The following MACROH2A1 variants were observed in gnomAD, a reference collection of about 807,000 sequenced individuals.
MACROH2A1 encodes macroH2A.1 histone.
MACROH2A1 carries 2 observed loss-of-function variants against 31.6 expected under a neutral mutation model. The observed-to-expected ratio is 0.06, with a 90% CI of 0.03 to 0.20. The LOEUF (loss-of-function observed/expected upper bound fraction) is 0.20, where lower values mean the gene tolerates loss of function less well. Ranked by LOEUF, MACROH2A1 falls within the 10% of genes least tolerant of loss-of-function variation. The probability of loss-of-function intolerance (pLI) is 1.00; values close to 1 mark genes in which losing one functional copy is unlikely to be tolerated. For missense variants in MACROH2A1, 230 were observed against 474.0 expected, an observed-to-expected ratio of 0.49 and a Z score of 4.78; for synonymous variants, 169 against 189.6, an observed-to-expected ratio of 0.89 and a Z score of 0.89.
chr5:135,360,758 A>G (rs765707138), intron 4 of MACROH2A1, 151 bp from the exon 5 acceptor site: 2 of 706,166 alleles, frequency 2.8e-6, no homozygotes. Context: ...GGGAGCTCAG[A>G]CTCATTTTGA....
intron 5 of MACROH2A1, chr5:135,358,538 C>T: frequency 9.1e-6 from 9 of 985,330 alleles, no homozygotes; most frequent in Non-Finnish European, 1.1e-5. Flanking sequence ...GGTGGTCTGT[C>T]TGGGTCTACA....
At chr5:135,389,156 G>A in intron 1 of MACROH2A1, 30 bp from the exon 2 acceptor site, 2 of 1,540,426 alleles carry the variant, frequency 1.3e-6, no homozygotes, top group South Asian at 1.2e-5. Flanking sequence ...ACCGGTCAGG[G>A]TGGCTGGGGA....
chr5:135,367,663 T>C (rs540355319), intron 4 of MACROH2A1, among the ~76,000 whole-genome samples: 1 of 152,250 alleles, frequency 6.6e-6, no homozygotes, highest in South Asian at 2.1e-4. Flanking sequence ...AGTGAACGCA[T>C]GAAGGAGGGT....
At chr5:135,358,718 A>C in intron 5 of MACROH2A1, 3 of 931,614 alleles carry the variant, frequency 3.2e-6, no homozygotes, top group Non-Finnish European at 3.8e-6. Flanking sequence ...TTTGTAATTT[A>C]TTATAGAGTA....
intron 5 of MACROH2A1, chr5:135,355,527 T>C: frequency 3.8e-6 from 1 of 265,608 alleles, no homozygotes; most frequent in Non-Finnish European, 7.5e-6. Flanking sequence ...CTGTAAAATG[T>C]GTACAAATAT....
chr5:135,373,388 C>T (rs1246590969), intron 2 of MACROH2A1, among the ~76,000 whole-genome samples: 2 of 152,174 alleles, frequency 1.3e-5, no homozygotes, highest in Admixed American at 1.3e-4. Flanking sequence ...GAAGTAAGCA[C>T]ATCGGGTTGA....
intron 5 of MACROH2A1, 198 bp from the exon 6 acceptor site, chr5:135,353,243 A>C: frequency 1.8e-6 from 1 of 554,514 alleles, no homozygotes; most frequent in South Asian, 2.3e-5. Flanking sequence ...CAAGCAAACT[A>C]GGATGAATGT....
rs746576253 is a variant in MACROH2A1 at position 135,343,501 on chromosome 5, A to ACAGAC, written c.779-72_779-68dup. The ACAGAC allele has an allele frequency of 3.1e-6, 5 of 1,592,636 alleles. 1 individual carries two copies. The South Asian group carries it at 5.6e-5, about 18-fold the overall frequency. Reference sequence around the variant, plus strand: ...CACTGCAAAGCACAAGATGCCAAACACAGACCCACTCCCCTGCCACGGTAT... The same window carrying ACAGAC: ...CACTGCAAAGCACAAGATGCCAAACACAGACCAGACCCACTCCCCTGCCACGGTAT... On this transcript the variant is annotated intron_variant, in intron 7 of 8. Coordinates refer to ENST00000511689, the MANE Select transcript of MACROH2A1 (RefSeq NM_138610.3).
At chr5:135,364,715 C>T (rs752981252) in intron 4 of MACROH2A1, among the ~76,000 whole-genome samples, 1 of 152,276 alleles carries the variant, frequency 6.6e-6, no homozygotes, top group East Asian at 1.9e-4. Flanking sequence ...CCCATGTTTA[C>T]CTATGTTTAG....
In MACROH2A1 at chr5:135,360,516, C is replaced by G; in HGVS notation, c.569G>C (p.Ser190Thr). ...GCCTACCTTCTGGCCAAGGAAGAGG[C>G]TCTTGGTGGAGAGGACTGTGAAGCC... is the stretch of plus-strand genomic sequence containing the variant. The part of the protein sequence containing the change: ...ADGFTVLSTK[S>T]LFLGQKLNLI... Residue 190 changes from serine to threonine, a missense_variant, in exon 5 of 9, where the codon AGC becomes ACC. Transcript: ENST00000511689. 6.2e-7 allele frequency: 1 copy of G among 1,612,296 alleles called. No individual in the cohort carries two copies. The highest frequency in any genetic ancestry group is 8.5e-7 in the Non-Finnish European group (1 of 1,178,308).
At chr5:135,346,287 A>T (rs1192366751) in intron 6 of MACROH2A1, 2 of 539,402 alleles carry the variant, frequency 3.7e-6, no homozygotes, top group Non-Finnish European at 3.4e-6. Flanking sequence ...GCTGCCCCTT[A>T]TTTGGGTCTG....
At chr5:135,376,082 CA>C (rs1194028138) in intron 2 of MACROH2A1, among the ~76,000 whole-genome samples, 2 of 152,220 alleles carry the variant, frequency 1.3e-5, no homozygotes, top group African/African-American at 4.8e-5. Context: ...AGCTCTGGGC[CA>C]CAGCAAAGCT....
chr5:135,337,369 C>A (rs1441133928), intron 8 of MACROH2A1, among the ~76,000 whole-genome samples: 1 of 152,226 alleles, frequency 6.6e-6, no homozygotes, highest in African/African-American at 2.4e-5. Flanking sequence ...GGCCCATGCC[C>A]ATGCCATGCC....
chr5:135,385,416 G>C (rs1053331697), intron 2 of MACROH2A1, among the ~76,000 whole-genome samples: 2 of 152,204 alleles, frequency 1.3e-5, no homozygotes, highest in African/African-American at 4.8e-5. Flanking sequence ...AAGCCCTTTG[G>C]GGGTGGGGAT....
Position 135,360,100 on chromosome 5 carries a change from C to G in MACROH2A1, c.588+397G>C, listed in dbSNP as rs981580117. On this transcript the variant is annotated intron_variant, in intron 5 of 8. Coordinates refer to ENST00000511689, the MANE Select transcript of MACROH2A1 (RefSeq NM_138610.3). ...CCTGAGGCTCTACCGTTAGTGCCCC[C>G]CAGGACAAGCAGGCTGCCGGCTAGG... 38 of 274,486 alleles carry G rather than the reference C, an allele frequency of 1.4e-4. No homozygotes were observed. In the Admixed American group the frequency reaches 1.5e-3, roughly 11 times the overall value. 17.0% of individuals were successfully genotyped at this position (274,486 alleles called of 1,614,324 possible). A position where few individuals can be genotyped will look rare whatever the true frequency, so the allele number is the denominator to read the frequency against.
At chr5:135,389,160 C>T in intron 1 of MACROH2A1, 34 bp from the exon 2 acceptor site, 1 of 1,515,456 alleles carries the variant, frequency 6.6e-7, no homozygotes, top group South Asian at 1.2e-5. Context: ...GTCAGGGTGG[C>T]TGGGGACAGC....
intron 2 of MACROH2A1, among the ~76,000 whole-genome samples, chr5:135,372,545 C>CA (rs1441222262): frequency 6.6e-6 from 1 of 152,222 alleles, no homozygotes; most frequent in Non-Finnish European, 1.5e-5. Context: ...TTGGCCAAGC[C>CA]AAAAAGGTGC....
At chr5:135,352,306 A>G (rs187771392) in intron 6 of MACROH2A1, among the ~76,000 whole-genome samples, 22 of 152,336 alleles carry the variant, frequency 1.4e-4, no homozygotes, top group Admixed American at 4.6e-4. Flanking sequence ...TCTGCCCTGA[A>G]CCATCTGCCA....
intron 2 of MACROH2A1, among the ~76,000 whole-genome samples, chr5:135,374,097 C>A (rs1764541677): frequency 1.3e-5 from 2 of 152,160 alleles, no homozygotes; most frequent in Non-Finnish European, 2.9e-5. Context: ...GGGTGCCCGA[C>A]TTAACAAAAG....
Sources: gnomAD v4.1 joint callset for allele counts (sites outside exome capture counted in the v4.1 genomes callset) on GRCh38, gnomAD v4.1.1 for gene constraint, MANE v1.5 for transcripts, NCBI Gene and HGNC (gene_info 2026-07-23, HGNC 2026-07-21) for gene names.